ARHGAP20: variants seen among roughly 807,000 people sequenced by gnomAD.
ARHGAP20 encodes the protein Rho GTPase activating protein 20.
In ARHGAP20, 34 loss-of-function variants were observed where a neutral mutation model predicts 73.7. That is an observed-to-expected ratio of 0.46 (90% CI 0.35 to 0.61). ARHGAP20 has a LOEUF of 0.61. ARHGAP20 is among the 20% of genes least tolerant of loss of function. The pLI, the probability that ARHGAP20 is intolerant of heterozygous loss-of-function variation, is 0.00. For missense variants in ARHGAP20, 1,314 were observed against 1,420.9 expected (o/e 0.92, Z 1.21); for synonymous variants, 523 against 518.2 (o/e 1.01, Z -0.13).
chr11:110,615,496 GGTC>G (rs1285815203), intron 5 of ARHGAP20, 54 bp downstream of exon 5: 20 of 1,500,886 alleles, frequency 1.3e-5, no homozygotes, highest in Admixed American at 1.3e-4. Context: ...CTGCAGAAAA[GGTC>G]TTAATTCATT....
chr11:110,645,572 A>G (rs745648557), intron 2 of ARHGAP20, among the ~76,000 whole-genome samples: 4 of 152,194 alleles, frequency 2.6e-5, no homozygotes, highest in Non-Finnish European at 5.9e-5. Flanking sequence ...AGATTTCTCA[A>G]GAACTAAGAG....
intron 12 of ARHGAP20, among the ~76,000 whole-genome samples, chr11:110,584,574 CAA>C (rs1193447350): frequency 1.3e-5 from 2 of 151,920 alleles, no homozygotes; most frequent in Non-Finnish European, 2.9e-5. Flanking sequence ...TGAAATAGAA[CAA>C]AAGATTACTG....
chr11:110,656,061 T>C (rs897387317), intron 2 of ARHGAP20, among the ~76,000 whole-genome samples: 1 of 152,186 alleles, frequency 6.6e-6, no homozygotes, highest in Non-Finnish European at 1.5e-5. Flanking sequence ...GCAGGGGCCT[T>C]AGTGTGTTGT....
intron 1 of ARHGAP20, among the ~76,000 whole-genome samples, chr11:110,700,753 C>T (rs2135141373): frequency 8.4e-6 from 1 of 119,164 alleles, no homozygotes; most frequent in East Asian, 2.9e-4. Flanking sequence ...CCCCACCCCA[C>T]AACAGTCCCC....
intron 1 of ARHGAP20, among the ~76,000 whole-genome samples, chr11:110,695,550 T>C (rs191074987): frequency 0.011 from 1,606 of 151,764 alleles, 16 homozygotes; most frequent in Non-Finnish European, 0.017. Context: ...AAAGAAGATA[T>C]ACGAATTGCC....
At chr11:110,711,288 C>T (rs1341182968) in intron 1 of ARHGAP20, among the ~76,000 whole-genome samples, 2 of 152,126 alleles carry the variant, frequency 1.3e-5, no homozygotes, top group Non-Finnish European at 2.9e-5. Context: ...AGGGAACACG[C>T]GCTGCCCCCA....
At position 110,577,210 on chromosome 11, in the gene ARHGAP20, A is replaced by T. The variant is rs1349734513; in HGVS notation, c.*2160T>A. ...ACATATGGTAGTAAAATTTGTCAAG[A>T]TATATTATACAAACTCAAAGCATTT... On this transcript the variant is annotated 3_prime_UTR_variant, in exon 15 of 15. Transcript: ENST00000683387. 1.5e-5 allele frequency: 23 copies of T among 1,520,332 alleles called. No homozygotes were observed. The highest frequency in any genetic ancestry group is 2.6e-6 in the Non-Finnish European group (3 of 1,137,466). 94.2% of individuals were successfully genotyped at this position (1,520,332 alleles called of 1,614,324 possible).
At chr11:110,599,462 G>A (rs1380553840) in intron 9 of ARHGAP20, among the ~76,000 whole-genome samples, 1 of 152,222 alleles carries the variant, frequency 6.6e-6, no homozygotes, top group African/African-American at 2.4e-5. Flanking sequence ...GCTCGGTGCT[G>A]GCCTGCAGGT....
chr11:110,686,501 A>G (rs1667395587), intron 2 of ARHGAP20, among the ~76,000 whole-genome samples: 1 of 152,140 alleles, frequency 6.6e-6, no homozygotes, highest in African/African-American at 2.4e-5. Context: ...TTTCTTTTAT[A>G]ACAAATATGT....
At chr11:110,675,613 A>G (rs534361538) in intron 2 of ARHGAP20, among the ~76,000 whole-genome samples, 1 of 152,240 alleles carries the variant, frequency 6.6e-6, no homozygotes, top group African/African-American at 2.4e-5. Flanking sequence ...CACAGTTCAC[A>G]GTAGGGATTG....
intron 2 of ARHGAP20, among the ~76,000 whole-genome samples, chr11:110,662,383 T>C (rs1018678128): frequency 1.3e-5 from 2 of 151,746 alleles, no homozygotes; most frequent in African/African-American, 4.8e-5. Context: ...TTGTGTCCAG[T>C]TGGTAGCATA....
intron 9 of ARHGAP20, among the ~76,000 whole-genome samples, chr11:110,604,890 G>A (rs1948188463): frequency 6.6e-6 from 1 of 152,092 alleles, no homozygotes; most frequent in Admixed American, 6.6e-5. Flanking sequence ...GCATGTGGGT[G>A]GAAATTTATA....
intron 2 of ARHGAP20, among the ~76,000 whole-genome samples, chr11:110,662,225 G>A (rs1949629953): frequency 6.6e-6 from 1 of 151,702 alleles, no homozygotes; most frequent in Non-Finnish European, 1.5e-5. Context: ...ACAGTATTGA[G>A]GAGACAGAAA....
At chr11:110,584,384 C>T (rs542944543) in intron 12 of ARHGAP20, among the ~76,000 whole-genome samples, 14 of 1,956 alleles carry the variant, frequency 7.2e-3, no homozygotes, top group African/African-American at 0.01. Flanking sequence ...CTACTATTAT[C>T]CCAAAAAGTA....
At chr11:110,702,950 C>G (rs1286049403) in intron 1 of ARHGAP20, among the ~76,000 whole-genome samples, 1 of 152,128 alleles carries the variant, frequency 6.6e-6, no homozygotes, top group East Asian at 1.9e-4. Flanking sequence ...ATGAAAATGG[C>G]CATACTGCCC....
At chr11:110,589,100 C>T (rs1947753033) in intron 11 of ARHGAP20, among the ~76,000 whole-genome samples, 1 of 152,004 alleles carries the variant, frequency 6.6e-6, no homozygotes, top group Admixed American at 6.6e-5. Context: ...AAAACACAAG[C>T]TTTACCTTTG....
intron 11 of ARHGAP20, among the ~76,000 whole-genome samples, chr11:110,590,304 T>C (rs1298413704): frequency 6.6e-6 from 1 of 152,104 alleles, no homozygotes; most frequent in East Asian, 1.9e-4. Flanking sequence ...AGTAAGAGAG[T>C]GAGGAAATCA....
Position 110,691,089 on chromosome 11 carries a change from C to A in ARHGAP20, c.106-460G>T. 2.8e-6 allele frequency: 3 copies of A among 1,084,034 alleles called. No homozygotes were observed. The South Asian group carries it at 5.6e-5, about 20-fold the overall frequency. 67.2% of individuals were successfully genotyped at this position (1,084,034 alleles called of 1,614,324 possible). On this transcript the variant is annotated intron_variant, in intron 1 of 14. Transcript: ENST00000683387. ...GAGGAAAAAACAGTTAAAGCAAAAG[C>A]ACAGAGACTAGATTTTTGCATAAAT...
At chr11:110,604,845 G>T (rs1378446640) in intron 9 of ARHGAP20, among the ~76,000 whole-genome samples, 1 of 152,148 alleles carries the variant, frequency 6.6e-6, no homozygotes, top group African/African-American at 2.4e-5. Flanking sequence ...AAAGTTTGAG[G>T]CTAGGTCATC....
Sources: gnomAD v4.1 joint callset for allele counts (sites outside exome capture counted in the v4.1 genomes callset) on GRCh38, gnomAD v4.1.1 for gene constraint, MANE v1.5 for transcripts, NCBI Gene and HGNC (gene_info 2026-07-23, HGNC 2026-07-21) for gene names.